The following GOLPH3 variants were observed in gnomAD, a reference collection of about 807,000 sequenced individuals.
GOLPH3 encodes the protein golgi phosphoprotein 3, also known as coat protein GPP34.
In GOLPH3, 14 loss-of-function variants were observed where a neutral mutation model predicts 28.5. The ratio of observed to expected loss-of-function variants is 0.49; its 90% CI spans 0.32 to 0.77. The LOEUF is 0.77. Among genes scored for constraint, GOLPH3 ranks in the 30% least tolerant of loss-of-function variants. The probability of loss-of-function intolerance (pLI) is 0.03; values close to 1 mark genes in which losing one functional copy is unlikely to be tolerated. For synonymous variants in GOLPH3, 158 were observed against 159.2 expected, an observed-to-expected ratio of 0.99 and a Z score of 0.06; for missense variants, 350 against 393.7, an observed-to-expected ratio of 0.89 and a Z score of 0.94.
At chr5:32,164,080 T>C (rs868481475) in intron 1 of GOLPH3, among the ~76,000 whole-genome samples, 4 of 152,240 alleles carry the variant, frequency 2.6e-5, no homozygotes, top group Non-Finnish European at 4.4e-5. Flanking sequence ...CTTAAAACTT[T>C]AACTCATAAG....
intron 2 of GOLPH3, among the ~76,000 whole-genome samples, chr5:32,140,853 C>T (rs988830639): frequency 4.0e-5 from 6 of 151,322 alleles, no homozygotes; most frequent in Non-Finnish European, 7.4e-5. Flanking sequence ...CAGACTTTAC[C>T]GCAACTCTGT....
chr5:32,142,065 A>G (rs1161816304), intron 2 of GOLPH3, among the ~76,000 whole-genome samples: 1 of 147,926 alleles, frequency 6.8e-6, no homozygotes, highest in Non-Finnish European at 1.5e-5. Context: ...CTGGCTGCCC[A>G]TCGTCTGGGA....
rs544090990 is a variant in GOLPH3, at chr5:32,163,398, G to A, written c.225+10412C>T. On this transcript the variant is annotated intron_variant, in intron 1 of 3. Coordinates refer to ENST00000265070, the MANE Select transcript of GOLPH3 (RefSeq NM_022130.4). ...AAGCAAAAAATTTTTCTTTGTGGCC[G>A]GGGGCACAGCGGCTCACATCTGTGA... 1.2e-4 allele frequency among the ~76,000 whole-genome samples: 18 copies of A among 152,220 alleles called. No individual in the cohort carries two copies. In the East Asian group the frequency reaches 1.5e-3, roughly 13 times the overall value.
rs111701650 is a variant in GOLPH3, at chr5:32,167,383, G to C, written c.225+6427C>G. 6.5e-3 allele frequency among the ~76,000 whole-genome samples: 990 copies of C among 152,144 alleles called. 13 individuals carry two copies. Among genetic ancestry groups the C allele is most frequent in the African/African-American group, 0.022 (908 of 41,486 alleles). On this transcript the variant is annotated intron_variant, in intron 1 of 3. Coordinates refer to ENST00000265070, the MANE Select transcript of GOLPH3 (RefSeq NM_022130.4). ...GACAGGGGTTCACCATGTTGGCCAG[G>C]CTTGTCTTGAACTCCTGACCTCAGG...
At chr5:32,167,164 ATTC>A (rs1279973118) in intron 1 of GOLPH3, among the ~76,000 whole-genome samples, 1 of 152,130 alleles carries the variant, frequency 6.6e-6, no homozygotes, top group Non-Finnish European at 1.5e-5. Flanking sequence ...TCAAAATACA[ATTC>A]TTTTGTTTTG....
In GOLPH3 at chr5:32,141,632, C is replaced by T. The variant is rs938364300; in HGVS notation, c.357+2117G>A. ...TCTCCCTCCTCTCCCTCTCTTTCCACGGTCTCCCTCTGATGCCGAGCCAAA... is the reference window on the plus strand; with the variant it reads ...TCTCCCTCCTCTCCCTCTCTTTCCATGGTCTCCCTCTGATGCCGAGCCAAA... On this transcript the variant is annotated intron_variant, in intron 2 of 3. Coordinates refer to ENST00000265070, the MANE Select transcript of GOLPH3 (RefSeq NM_022130.4). 9.2e-5 allele frequency among the ~76,000 whole-genome samples: 14 copies of T among 151,920 alleles called. No homozygotes were observed. The South Asian group carries it at 2.3e-3, about 25-fold the overall frequency.
intron 1 of GOLPH3, among the ~76,000 whole-genome samples, chr5:32,167,270 C>T (rs933587551): frequency 6.6e-6 from 1 of 152,108 alleles, no homozygotes; most frequent in Non-Finnish European, 1.5e-5. Flanking sequence ...CTCTCAGGTT[C>T]AAGTGATTCT....
chr5:32,126,437 T>C lies in GOLPH3; in HGVS notation c.672A>G (p.Lys224=). 6.2e-7 allele frequency: 1 copy of C among 1,614,174 alleles called. No homozygotes were observed. Among genetic ancestry groups the C allele is most frequent in the South Asian group, 1.1e-5 (1 of 91,082 alleles). Residue 224 remains lysine, a synonymous_variant, in exon 4 of 4, where the codon AAA becomes AAG. Coordinates refer to ENST00000265070, the MANE Select transcript of GOLPH3 (RefSeq NM_022130.4). ...CCATGCGGTGAGGGTCATTCACCCA[T>C]TTGTCAAGAACGGCTTCCTGTACTT... is the stretch of plus-strand genomic sequence containing the variant. ...IKKVQEAVLD[K]WVNDPHRMDR...
chr5:32,161,072 A>T (rs1457632980), intron 1 of GOLPH3, among the ~76,000 whole-genome samples: 1 of 147,464 alleles, frequency 6.8e-6, no homozygotes, highest in Non-Finnish European at 1.5e-5. Flanking sequence ...GTCTCAAAAA[A>T]AAAAAAAAAA....
chr5:32,126,172 T>C lies in GOLPH3; in HGVS notation c.*40A>G, dbSNP rs755934657. The C allele has an allele frequency of 2.6e-5, 40 of 1,557,128 alleles. No individual in the cohort carries two copies. The East Asian group carries it at 8.8e-4, about 34-fold the overall frequency. On this transcript the variant is annotated 3_prime_UTR_variant, in exon 4 of 4. Transcript: ENST00000265070. ...AAGTCAACAGAAGAAAAACTACTGG[T>C]TTACTTGAGAGAAAGGAGAATGGTT...
At chr5:32,141,513 A>G (rs548170277) in intron 2 of GOLPH3, among the ~76,000 whole-genome samples, 17 of 152,320 alleles carry the variant, frequency 1.1e-4, no homozygotes, top group South Asian at 2.1e-4. Flanking sequence ...AAATTGCACA[A>G]TAACACTTCT....
At chr5:32,152,854 A>C (rs576045808) in intron 1 of GOLPH3, among the ~76,000 whole-genome samples, 1 of 152,290 alleles carries the variant, frequency 6.6e-6, no homozygotes, top group African/African-American at 2.4e-5. Context: ...AATGAGGGAA[A>C]CAGGCATTCT....
chr5:32,152,979 T>G (rs1438979383), intron 1 of GOLPH3, among the ~76,000 whole-genome samples: 1 of 152,120 alleles, frequency 6.6e-6, no homozygotes, highest in African/African-American at 2.4e-5. Flanking sequence ...TTCTAAGGAA[T>G]CCACTATGAA....
In GOLPH3 at chr5:32,135,561, C is replaced by T. The variant is rs1745914226; in HGVS notation, c.472+11G>A. 6.5e-7 allele frequency: 1 copy of T among 1,542,954 alleles called. No individual in the cohort carries two copies. The highest frequency in any genetic ancestry group is 1.4e-5 in the African/African-American group (1 of 73,328). Reference sequence around the variant, plus strand: ...CAGAAGTTGGTTTTTGGTTTATTCACAGCAGCTTACCACTAAGTAATTCAA... The same window carrying T: ...CAGAAGTTGGTTTTTGGTTTATTCATAGCAGCTTACCACTAAGTAATTCAA... On this transcript the variant is annotated intron_variant, in intron 3 of 3. Coordinates refer to ENST00000265070, the MANE Select transcript of GOLPH3 (RefSeq NM_022130.4).
At position 32,155,188 on chromosome 5, in the gene GOLPH3, TTACTTTGTTTTTTTA is replaced by T. The variant is rs533702803; in HGVS notation, c.226-11323_226-11309del. 3.3e-5 allele frequency among the ~76,000 whole-genome samples: 5 copies of T among 152,240 alleles called. No individual in the cohort carries two copies. In the South Asian group the frequency reaches 1.0e-3, roughly 32 times the overall value. On this transcript the variant is annotated intron_variant, in intron 1 of 3. Transcript: ENST00000265070. ...CTAAAAGTCACTGCATTGTTACCTT[TTACTTTGTTTTTTTA>T]AAGACAGGGTTTCATTCTGTCACCC... is the stretch of plus-strand genomic sequence containing the variant.
At chr5:32,144,760 A>G (rs1308362909) in intron 1 of GOLPH3, among the ~76,000 whole-genome samples, 1 of 152,232 alleles carries the variant, frequency 6.6e-6, no homozygotes, top group Non-Finnish European at 1.5e-5. Flanking sequence ...ACGGCCAGAC[A>G]TAAGGAGGTT....
intron 2 of GOLPH3, among the ~76,000 whole-genome samples, chr5:32,136,806 T>C (rs1275261552): frequency 6.6e-6 from 1 of 152,214 alleles, no homozygotes; most frequent in Non-Finnish European, 1.5e-5. Context: ...AATTCCAAAA[T>C]CTTAAACATT....
At chr5:32,156,586 G>A (rs62361292) in intron 1 of GOLPH3, among the ~76,000 whole-genome samples, 1,673 of 152,256 alleles carry the variant, frequency 0.011, 18 homozygotes, top group Non-Finnish European at 0.014. Flanking sequence ...ACTGGTTTCA[G>A]GAAAGACAAT....
chr5:32,131,290 T>C (rs1745819975), intron 3 of GOLPH3, among the ~76,000 whole-genome samples: 1 of 152,324 alleles, frequency 6.6e-6, no homozygotes, highest in East Asian at 1.9e-4. Flanking sequence ...AACCAAGTGG[T>C]CAAAGTATCT....
Sources: allele counts gnomAD v4.1 joint callset (sites outside exome capture counted in the v4.1 genomes callset), GRCh38; gene constraint gnomAD v4.1.1; transcripts MANE v1.5; gene names NCBI Gene and HGNC (gene_info 2026-07-23, HGNC 2026-07-21).